The following LRRTM4 variants were observed in gnomAD, a reference collection of about 807,000 sequenced individuals.
The protein encoded by LRRTM4 is leucine rich repeat transmembrane neuronal 4.
A neutral mutation model predicts 47.6 loss-of-function variants in LRRTM4; 25 were observed. The ratio of observed to expected loss-of-function variants is 0.53; its 90% CI spans 0.38 to 0.73. The LOEUF (loss-of-function observed/expected upper bound fraction) is 0.73. LRRTM4 is among the 30% of genes least tolerant of loss of function. The probability of loss-of-function intolerance (pLI) is 0.00; values close to 1 mark genes in which losing one functional copy is unlikely to be tolerated. For missense variants in LRRTM4, 638 were observed against 713.4 expected, an observed-to-expected ratio of 0.89 and a Z score of 1.20; for synonymous variants, 311 against 269.5, an observed-to-expected ratio of 1.15 and a Z score of -1.51.
chr2:77,453,507 AT>A (rs1478314187), intron 3 of LRRTM4, among the ~76,000 whole-genome samples: 4 of 152,028 alleles, frequency 2.6e-5, no homozygotes, highest in Non-Finnish European at 5.9e-5. Context: ...TTTATTTGCA[AT>A]GTTGATTCCA....
intron 3 of LRRTM4, among the ~76,000 whole-genome samples, chr2:77,067,778 T>C (rs951477428): frequency 5.9e-5 from 9 of 151,640 alleles, no homozygotes; most frequent in Non-Finnish European, 1.2e-4. Flanking sequence ...ATCCAATGTA[T>C]ACTAATTTCT....
chr2:76,924,446 C>T (rs1364255150), intron 3 of LRRTM4, among the ~76,000 whole-genome samples: 1 of 151,922 alleles, frequency 6.6e-6, no homozygotes, highest in African/African-American at 2.4e-5. Flanking sequence ...TAGCTAAAGC[C>T]CCATCCATGC....
chr2:76,936,954 C>CAAAAAAAAAAAAAAAAAAAAAAAAAAAAA (rs56140303), intron 3 of LRRTM4, among the ~76,000 whole-genome samples: 1 of 22,696 alleles, frequency 4.4e-5, no homozygotes, highest in East Asian at 1.2e-3. Flanking sequence ...GACTCCATCT[C>CAAAAAAAAAAAAAAAAAAAAAAAAAAAAA]AAAAAAAAAA....
At chr2:77,438,501 G>A (rs1384314555) in intron 3 of LRRTM4, among the ~76,000 whole-genome samples, 1 of 147,548 alleles carries the variant, frequency 6.8e-6, no homozygotes, top group African/African-American at 2.5e-5. Flanking sequence ...CCGCCTCCCG[G>A]GTTCACGCCA....
At chr2:77,336,051 C>G (rs142054661) in intron 3 of LRRTM4, among the ~76,000 whole-genome samples, 1 of 150,568 alleles carries the variant, frequency 6.6e-6, no homozygotes, top group African/African-American at 2.4e-5. Context: ...AACTACTGAT[C>G]CAGTAGTTTT....
intron 3 of LRRTM4, among the ~76,000 whole-genome samples, chr2:76,807,805 A>C (rs981595535): frequency 6.7e-6 from 1 of 150,208 alleles, no homozygotes; most frequent in Non-Finnish European, 1.5e-5. Flanking sequence ...TTGGTCTCCA[A>C]CTCCTGACCT....
chr2:77,495,327 C>G lies in LRRTM4; in HGVS notation c.1551+22991G>C, dbSNP rs201632277. Among the ~76,000 whole-genome samples the G allele has an allele frequency of 1.9e-4, 29 of 152,096 alleles. No individual in the cohort carries two copies. In the East Asian group the frequency reaches 5.6e-3, roughly 29 times the overall value. On this transcript the variant is annotated intron_variant, in intron 3 of 3. Transcript: ENST00000409884. ...ACTTGATCTGTCATTTTTATTTTAG[C>G]TATTTCTCTCAGTCCATGGCTTATA...
intron 3 of LRRTM4, among the ~76,000 whole-genome samples, chr2:77,179,149 G>A (rs954851820): frequency 2.0e-5 from 3 of 152,116 alleles, no homozygotes; most frequent in African/African-American, 7.2e-5. Flanking sequence ...AAGTGCTACA[G>A]GAAATCTATG....
rs889076796 is a variant in LRRTM4, at chr2:76,877,925, T to C, written c.1552-129009A>G. 2.6e-5 allele frequency among the ~76,000 whole-genome samples: 4 copies of C among 151,946 alleles called. No homozygotes were observed. The East Asian group carries it at 7.8e-4, about 29-fold the overall frequency. On this transcript the variant is annotated intron_variant, in intron 3 of 3. Transcript: ENST00000409884. ...AATAAGAAAGAAGAAGGAAAAAAGGTCACAGATGCATACCTCATCTTACTG... is the reference window on the plus strand; with the variant it reads ...AATAAGAAAGAAGAAGGAAAAAAGGCCACAGATGCATACCTCATCTTACTG...
chr2:77,209,916 TG>T (rs1201912262), intron 3 of LRRTM4, among the ~76,000 whole-genome samples: 2 of 152,192 alleles, frequency 1.3e-5, no homozygotes, highest in East Asian at 3.9e-4. Flanking sequence ...CTACAATTCT[TG>T]CTTTTTCAAA....
At chr2:77,267,351 C>A (rs1362891847) in intron 3 of LRRTM4, among the ~76,000 whole-genome samples, 2 of 152,166 alleles carry the variant, frequency 1.3e-5, no homozygotes, top group Non-Finnish European at 2.9e-5. Flanking sequence ...AAGATCAAGG[C>A]ACCTGCAGGT....
chr2:76,783,912 A>G (rs1674529700), intron 3 of LRRTM4, among the ~76,000 whole-genome samples: 1 of 152,178 alleles, frequency 6.6e-6, no homozygotes, highest in Non-Finnish European at 1.5e-5. Context: ...ACTCATAATA[A>G]AACTGCTTGG....
intron 3 of LRRTM4, among the ~76,000 whole-genome samples, chr2:77,425,461 C>A (rs574608623): frequency 2.6e-5 from 4 of 152,144 alleles, no homozygotes; most frequent in African/African-American, 9.7e-5. Flanking sequence ...TCCTGGTTAT[C>A]TATCTTTTAT....
chr2:77,051,135 T>A (rs1043606520), intron 3 of LRRTM4, among the ~76,000 whole-genome samples: 1 of 151,890 alleles, frequency 6.6e-6, no homozygotes, highest in Non-Finnish European at 1.5e-5. Flanking sequence ...AGTTAGGATA[T>A]GGAGGGGCTG....
intron 3 of LRRTM4, among the ~76,000 whole-genome samples, chr2:76,932,828 CT>C (rs535474161): frequency 6.6e-6 from 1 of 151,412 alleles, no homozygotes; most frequent in South Asian, 2.1e-4. Context: ...ATGATGTGTT[CT>C]TTTTTTGGTA....
intron 3 of LRRTM4, among the ~76,000 whole-genome samples, chr2:77,334,264 G>A (rs183121429): frequency 6.6e-6 from 1 of 152,246 alleles, no homozygotes; most frequent in East Asian, 1.9e-4. Context: ...GAGGACTACT[G>A]GGAAGGCATG....
intron 3 of LRRTM4, among the ~76,000 whole-genome samples, chr2:77,355,384 T>C (rs1370246277): frequency 6.6e-6 from 1 of 152,176 alleles, no homozygotes; most frequent in East Asian, 1.9e-4. Context: ...GAAGCCCTCA[T>C]AGGGTTGCTT....
At chr2:77,222,461 A>AATAAAT (rs1674664890) in intron 3 of LRRTM4, among the ~76,000 whole-genome samples, 1 of 152,168 alleles carries the variant, frequency 6.6e-6, no homozygotes, top group South Asian at 2.1e-4. Flanking sequence ...GACTGCTAGC[A>AATAAAT]AGGTTAATAA....
chr2:76,844,922 G>A (rs1046826846), intron 3 of LRRTM4, among the ~76,000 whole-genome samples: 5 of 151,988 alleles, frequency 3.3e-5, no homozygotes, highest in South Asian at 2.1e-4. Flanking sequence ...ATCAAAAGGC[G>A]GTAATGTGAC....
Sources: allele counts gnomAD v4.1 joint callset (sites outside exome capture counted in the v4.1 genomes callset), GRCh38; gene constraint gnomAD v4.1.1; transcripts MANE v1.5; gene names NCBI Gene and HGNC (gene_info 2026-07-23, HGNC 2026-07-21).